BAIAP3: variants seen among roughly 807,000 people sequenced by gnomAD.
BAIAP3 encodes BAI1 associated protein 3.
Under a neutral mutation model 149.7 loss-of-function variants are expected in BAIAP3, and 180 were observed. The observed-to-expected ratio is 1.20, with a 90% CI of 1.07 to 1.36. The LOEUF (loss-of-function observed/expected upper bound fraction) is 1.36. Among genes scored for constraint, BAIAP3 ranks in the 40% most tolerant of loss-of-function variants. BAIAP3 has a pLI of 0.00. For missense variants in BAIAP3, 1,767 were observed against 1,563.4 expected, an observed-to-expected ratio of 1.13 and a Z score of -2.20; for synonymous variants, 845 against 670.7, an observed-to-expected ratio of 1.26 and a Z score of -4.02.
chr16:1,335,916 C>T (rs1387271538), intron 1 of BAIAP3, among the ~76,000 whole-genome samples: 1 of 152,312 alleles, frequency 6.6e-6, no homozygotes, highest in Middle Eastern at 3.4e-3. Flanking sequence ...CCTGCGCCTC[C>T]GTTTGCCCAT....
rs2034214625 is a variant in BAIAP3 at position 1,345,023 on chromosome 16, G to A, written c.1864G>A (p.Glu622Lys). 1.9e-6 allele frequency: 3 copies of A among 1,612,604 alleles called. No homozygotes were observed. The highest frequency in any genetic ancestry group is 2.2e-5 in the East Asian group (1 of 44,888). ...TEELSPKMTL[E>K]VASGLFELYL... ...GGAGCTGAGCCCCAAGATGACCCTG[G>A]AGGTGGCCTCGGGGCTCTTTGAGCT... Residue 622 changes from glutamate (E) to lysine (K), a missense_variant, in exon 21 of 34, where the codon GAG (glutamate) becomes AAG (lysine). By Grantham distance (56) the Glu-to-Lys change is moderately conservative. Coordinates refer to ENST00000426824, the MANE Select transcript of BAIAP3 (RefSeq NM_001199097.2).
chr16:1,344,260 C>CT lies in BAIAP3; in HGVS notation c.1548dup (p.Glu517Ter). On this transcript the variant is annotated frameshift_variant, in exon 17 of 34. Coordinates refer to ENST00000426824, the MANE Select transcript of BAIAP3 (RefSeq NM_001199097.2). LOFTEE classifies it high-confidence loss of function. ...GCAAGCTGCAGCTCTTCCAACCCTC[C>CT]TTTGAGATCTGCCCCTTCGAGTCGG... is the stretch of plus-strand genomic sequence containing the variant. 1 of 1,613,756 alleles carries CT rather than the reference C, an allele frequency of 6.2e-7. No individual in the cohort carries two copies. The highest frequency in any genetic ancestry group is 8.5e-7 in the Non-Finnish European group (1 of 1,179,946).
Position 1,346,189 on chromosome 16 carries a change from A to G in BAIAP3, c.2321A>G (p.Asn774Ser), listed in dbSNP as rs1446583818. 1 of 1,611,710 alleles carries G rather than the reference A, an allele frequency of 6.2e-7. No individual in the cohort carries two copies. Among genetic ancestry groups the G allele is most frequent in the African/African-American group, 1.3e-5 (1 of 74,906 alleles). ...VSEALCVVLN[N>S]VELVRKAAGQ... Reference sequence around the variant, plus strand: ...CTCCAGCTCTGCGTGGTCCTCAACAATGTGGAGCTCGTGCGCAAGGCTGCT... The same window carrying G: ...CTCCAGCTCTGCGTGGTCCTCAACAGTGTGGAGCTCGTGCGCAAGGCTGCT... Residue 774 changes from asparagine to serine, a missense_variant, in exon 25 of 34, where the codon AAT becomes AGT. Transcript: ENST00000426824.
rs2033877518 is a variant in BAIAP3 at position 1,340,836 on chromosome 16, G to A, written c.409-86G>A. ...GTGAGGACTGAGGTTGGGTGTCTGTGACGGGCTGAGCCCGAGGTCCCAGCA... is the reference window on the plus strand; with the variant it reads ...GTGAGGACTGAGGTTGGGTGTCTGTAACGGGCTGAGCCCGAGGTCCCAGCA... On this transcript the variant is annotated intron_variant, in intron 5 of 33. Coordinates refer to ENST00000426824, the MANE Select transcript of BAIAP3 (RefSeq NM_001199097.2). 42 of 1,420,420 alleles carry A rather than the reference G, an allele frequency of 3.0e-5. No homozygotes were observed. In the South Asian group the frequency reaches 4.7e-4, roughly 16 times the overall value. The allele number at this position is 1,420,420 out of a possible 1,614,324, so 88.0% of individuals were successfully genotyped here. A position where few individuals can be genotyped will look rare whatever the true frequency, so the allele number is the denominator to read the frequency against.
intron 15 of BAIAP3, 100 bp downstream of exon 15, chr16:1,343,613 T>G: frequency 6.7e-7 from 1 of 1,495,032 alleles, no homozygotes; most frequent in Non-Finnish European, 9.0e-7. Flanking sequence ...CCTGCCCGCG[T>G]GGGGGTCAAA....
At position 1,346,846 on chromosome 16, in the gene BAIAP3, G is replaced by A. The variant is rs1248139131; in HGVS notation, c.2643-1G>A. Reference sequence around the variant, plus strand: ...CCGTGGTCACTGATGCTGCCCTGCAGGGTGCTGGAGGCCCTGTGGGAGCTA... The same window carrying A: ...CCGTGGTCACTGATGCTGCCCTGCAAGGTGCTGGAGGCCCTGTGGGAGCTA... On this transcript the variant is annotated splice_acceptor_variant, in intron 27 of 33. Coordinates refer to ENST00000426824, the MANE Select transcript of BAIAP3 (RefSeq NM_001199097.2). LOFTEE classifies it high-confidence loss of function. 6.3e-6 allele frequency: 10 copies of A among 1,593,626 alleles called. No individual in the cohort carries two copies. Among genetic ancestry groups the A allele is most frequent in the Non-Finnish European group, 8.5e-6 (10 of 1,172,942 alleles).
At position 1,340,913 on chromosome 16, in the gene BAIAP3, C is replaced by A. The variant is rs1228853400; in HGVS notation, c.409-9C>A. On this transcript the variant is annotated splice_polypyrimidine_tract_variant and intron_variant, in intron 5 of 33. Coordinates refer to ENST00000426824, the MANE Select transcript of BAIAP3 (RefSeq NM_001199097.2). ...GCCTAGGCCCTGCCAACCCAGCCACCCTCCACAGGTGTTTGGCACCAGCCT... is the reference window on the plus strand; with the variant it reads ...GCCTAGGCCCTGCCAACCCAGCCACACTCCACAGGTGTTTGGCACCAGCCT... 5.7e-6 allele frequency: 9 copies of A among 1,565,678 alleles called. No homozygotes were observed. Among genetic ancestry groups the A allele is most frequent in the Non-Finnish European group, 7.8e-6 (9 of 1,155,526 alleles).
At position 1,344,466 on chromosome 16, in the gene BAIAP3, C is replaced by T. The variant is rs776445955; in HGVS notation, c.1603-3C>T. The T allele has an allele frequency of 9.9e-6, 16 of 1,613,406 alleles. No individual in the cohort carries two copies. In the East Asian group the frequency reaches 3.1e-4, roughly 31 times the overall value. ...CATGCTGTCTTGGTGGTGTCTGTTG[C>T]AGAGAGGCAACCGTGAGTGGTACGA... On this transcript the variant is annotated splice_polypyrimidine_tract_variant and splice_region_variant and intron_variant, in intron 17 of 33. Transcript: ENST00000426824.
rs1437689139 is a variant in BAIAP3 at position 1,346,690 on chromosome 16, G to A, written c.2642+6G>A. On this transcript the variant is annotated splice_donor_region_variant and intron_variant, in intron 27 of 33. Coordinates refer to ENST00000426824, the MANE Select transcript of BAIAP3 (RefSeq NM_001199097.2). ...GTGAAGGGGAACCTGAGCAGGTGCG[G>A]GCGGGTGGGGTGGGATGGGCTGGGC... 6.5e-7 allele frequency: 1 copy of A among 1,538,542 alleles called. No individual in the cohort carries two copies. Among genetic ancestry groups the A allele is most frequent in the African/African-American group, 1.4e-5 (1 of 72,832 alleles).
At chr16:1,341,664 C>T (rs944028057) in intron 8 of BAIAP3, among the ~76,000 whole-genome samples, 158 bp from the exon 9 acceptor site, 1 of 152,232 alleles carries the variant, frequency 6.6e-6, no homozygotes, top group Non-Finnish European at 1.5e-5. Flanking sequence ...CGGGGCCACA[C>T]GGCTGGCAAC....
chr16:1,342,532 G>A lies in BAIAP3; in HGVS notation c.963G>A (p.Val321=). The change falls in exon 12 of 34, where the codon GTG becomes GTA. Residue 321 remains valine (V), a synonymous_variant. Transcript: ENST00000426824. ...GACCCCCATGCTACCCCCAGGAGGTGCCTGTGGCTGGCGTCGACCGCTGGT... is the reference window on the plus strand; with the variant it reads ...GACCCCCATGCTACCCCCAGGAGGTACCTGTGGCTGGCGTCGACCGCTGGT... The part of the protein sequence containing the change: ...LGCLNIPVRE[V]PVAGVDRWFK... The A allele has an allele frequency of 6.4e-7, 1 of 1,552,726 alleles. No homozygotes were observed. The highest frequency in any genetic ancestry group is 1.2e-5 in the South Asian group (1 of 84,380).
In BAIAP3 at chr16:1,339,622, C is replaced by T. The variant is rs368421949; in HGVS notation, c.408+19C>T. ...CCAGCAGGTCAGCCCACCCTGACCC[C>T]GACCCAGACCCTGACAGCTTCCCCA... On this transcript the variant is annotated intron_variant, in intron 5 of 33. Coordinates refer to ENST00000426824, the MANE Select transcript of BAIAP3 (RefSeq NM_001199097.2). 2.1e-5 allele frequency: 33 copies of T among 1,587,794 alleles called. No individual in the cohort carries two copies. The highest frequency in any genetic ancestry group is 2.0e-4 in the African/African-American group (15 of 74,622).
Position 1,344,866 on chromosome 16 carries a change from A to C in BAIAP3, c.1809+17A>C, listed in dbSNP as rs748961103. 1.9e-6 allele frequency: 3 copies of C among 1,613,344 alleles called. No homozygotes were observed. Among genetic ancestry groups the C allele is most frequent in the Non-Finnish European group, 2.5e-6 (3 of 1,179,972 alleles). On this transcript the variant is annotated intron_variant, in intron 20 of 33. Coordinates refer to ENST00000426824, the MANE Select transcript of BAIAP3 (RefSeq NM_001199097.2). Reference sequence around the variant, plus strand: ...GAGCGTCTGGTGAGGAGGGTCCCTGACCCCGGGTGCCTGCCAGGCATGGGG... The same window carrying C: ...GAGCGTCTGGTGAGGAGGGTCCCTGCCCCCGGGTGCCTGCCAGGCATGGGG...
chr16:1,338,501 T>A (rs1434655606), intron 1 of BAIAP3, 39 bp from the exon 2 acceptor site: 1 of 1,207,608 alleles, frequency 8.3e-7, no homozygotes, highest in Non-Finnish European at 1.1e-6. Context: ...GAGGGTTGAG[T>A]GGACGACCTG....
chr16:1,347,406 GA>G, intron 29 of BAIAP3, 37 bp downstream of exon 29: 1 of 1,608,106 alleles, frequency 6.2e-7, no homozygotes, highest in Non-Finnish European at 8.5e-7. Context: ...GGGTGTGGAT[GA>G]GGGGACTGAG....
rs982775317 is a variant in BAIAP3, at chr16:1,348,539, T to G, written c.*57T>G. Reference sequence around the variant, plus strand: ...CCACCCCAAGTTCCCTGAAGCATCCTCCAGCTCACTGTGGCCAGCTTTGTG... The same window carrying G: ...CCACCCCAAGTTCCCTGAAGCATCCGCCAGCTCACTGTGGCCAGCTTTGTG... On this transcript the variant is annotated 3_prime_UTR_variant, in exon 34 of 34. Coordinates refer to ENST00000426824, the MANE Select transcript of BAIAP3 (RefSeq NM_001199097.2). 2 of 1,505,810 alleles carry G rather than the reference T, an allele frequency of 1.3e-6. No individual in the cohort carries two copies. Among genetic ancestry groups the G allele is most frequent in the Admixed American group, 3.9e-5 (2 of 51,480 alleles). The allele number at this position is 1,505,810 out of a possible 1,614,324, so 93.3% of individuals were successfully genotyped here. A position where few individuals can be genotyped will look rare whatever the true frequency, so the allele number is the denominator to read the frequency against.
rs763539259 is a variant in BAIAP3 at position 1,342,868 on chromosome 16, T to G, written c.1162-45T>G. The G allele has an allele frequency of 1.9e-6, 3 of 1,611,542 alleles. No individual in the cohort carries two copies. In the African/African-American group the frequency reaches 4.0e-5, roughly 22 times the overall value. On this transcript the variant is annotated intron_variant, in intron 13 of 33. Transcript: ENST00000426824. ...CCCGGCAGGGGGCCTGAGGAGGGGATGTGGGGCTGTCCCGCCTCCACCCAC... is the reference window on the plus strand; with the variant it reads ...CCCGGCAGGGGGCCTGAGGAGGGGAGGTGGGGCTGTCCCGCCTCCACCCAC...
intron 17 of BAIAP3, 66 bp from the exon 18 acceptor site, chr16:1,344,403 G>T: frequency 6.2e-7 from 1 of 1,610,108 alleles, no homozygotes; most frequent in Non-Finnish European, 8.5e-7. Flanking sequence ...TCTGCACCAC[G>T]GTCTCTTGCC....
intron 22 of BAIAP3, 41 bp from the exon 23 acceptor site, chr16:1,345,704 TCC>T: frequency 2.0e-6 from 1 of 506,008 alleles, no homozygotes; most frequent in Admixed American, 1.1e-4. Context: ...CTCCCCAGCC[TCC>T]CCTGCCTCCC....
Sources: allele counts gnomAD v4.1 joint callset (sites outside exome capture counted in the v4.1 genomes callset), GRCh38; gene constraint gnomAD v4.1.1; transcripts MANE v1.5; gene names NCBI Gene and HGNC (gene_info 2026-07-23, HGNC 2026-07-21).